Variants in PCDHGA7 observed in about 807,000 individuals in gnomAD.
PCDHGA7 encodes protocadherin gamma-A7.
Under a neutral mutation model 58.3 loss-of-function variants are expected in PCDHGA7, and 44 were observed. The ratio of observed to expected loss-of-function variants is 0.75; its 90% CI spans 0.59 to 0.97. PCDHGA7 has a LOEUF of 0.97. Ranked by LOEUF, PCDHGA7 falls within the 50% of genes least tolerant of loss-of-function variation. The probability of loss-of-function intolerance (pLI) is 0.00; values close to 1 mark genes in which losing one functional copy is unlikely to be tolerated. For synonymous variants in PCDHGA7, 516 were observed against 504.2 expected, an observed-to-expected ratio of 1.02 and a Z score of -0.31; for missense variants, 1,266 against 1,188.7, an observed-to-expected ratio of 1.06 and a Z score of -0.96.
chr5:141,432,652 C>T lies in PCDHGA7; in HGVS notation c.2424+47329C>T, dbSNP rs1004936183. On this transcript the variant is annotated intron_variant, in intron 1 of 3. Transcript: ENST00000518325. This position sits in a 1 kb window ranked among gnomAD's most constrained non-coding sequence, Gnocchi z 6.0. ...CGGGCGAGGTGCGCACGGCGCGAGC[C>T]CTGCTGGACAGAGACGCGCTCAAGC... The T allele has an allele frequency of 6.2e-7, 1 of 1,613,836 alleles. No individual in the cohort carries two copies. Among genetic ancestry groups the T allele is most frequent in the East Asian group, 2.2e-5 (1 of 44,860 alleles).
At chr5:141,395,992 T>G (rs915228194) in intron 1 of PCDHGA7, 3 of 152,184 alleles carry the variant, frequency 2.0e-5, no homozygotes, top group African/African-American at 7.2e-5. Context: ...TAAAATGTAA[T>G]TTTAAACTGT....
intron 1 of PCDHGA7, among the ~76,000 whole-genome samples, chr5:141,488,493 C>T (rs1594759823): frequency 6.6e-6 from 1 of 152,226 alleles, no homozygotes; most frequent in East Asian, 1.9e-4. Context: ...AAAACTGTAA[C>T]ACTCATTCCA....
chr5:141,399,945 G>T, intron 1 of PCDHGA7: 2 of 1,612,308 alleles, frequency 1.2e-6, no homozygotes, highest in Non-Finnish European at 1.7e-6. Context: ...ACGTGCTGCA[G>T]GCTAGCGAGC....
At chr5:141,404,381 T>A (rs762394525) in intron 1 of PCDHGA7, 5 of 1,613,954 alleles carry the variant, frequency 3.1e-6, no homozygotes, top group Middle Eastern at 1.6e-4. Context: ...CGTGATTGCC[T>A]ATGACCCTGA....
intron 1 of PCDHGA7, among the ~76,000 whole-genome samples, chr5:141,474,922 C>G (rs748864870): frequency 3.9e-5 from 6 of 152,238 alleles, no homozygotes; most frequent in Non-Finnish European, 8.8e-5. Flanking sequence ...CATCTCATCT[C>G]TGGCTTATAT....
At chr5:141,415,476 G>A (rs765634887) in intron 1 of PCDHGA7, 1 of 1,614,076 alleles carries the variant, frequency 6.2e-7, no homozygotes. Context: ...CCGCGGACTC[G>A]CGAAAGAGTC....
Position 141,431,478 on chromosome 5 carries a change from C to T in PCDHGA7, c.2424+46155C>T, listed in dbSNP as rs1163422580. On this transcript the variant is annotated intron_variant, in intron 1 of 3. Coordinates refer to ENST00000518325, the MANE Select transcript of PCDHGA7 (RefSeq NM_018920.4). The surrounding 1 kb of genome is among the most constrained non-coding windows in gnomAD (Gnocchi z 4.8). ...GTTCTGGATGCGAACGACAACGCAC[C>T]AGCGTTTGCTCAGCCCGAGTACCGC... The T allele has an allele frequency of 6.2e-7, 1 of 1,613,748 alleles. No individual in the cohort carries two copies. The highest frequency in any genetic ancestry group is 8.5e-7 in the Non-Finnish European group (1 of 1,179,976).
intron 1 of PCDHGA7, chr5:141,426,732 C>T (rs576525011): frequency 2.7e-4 from 123 of 448,642 alleles, no homozygotes; most frequent in African/African-American, 2.2e-3. Context: ...TCCAGGCATT[C>T]GGTTTGGCCT....
chr5:141,405,261 T>TC, intron 1 of PCDHGA7: 1 of 1,613,852 alleles, frequency 6.2e-7, no homozygotes. Context: ...CACCTGATCT[T>TC]CCCCCAGCCC....
At chr5:141,458,984 C>T (rs2098958355) in intron 1 of PCDHGA7, among the ~76,000 whole-genome samples, 1 of 152,204 alleles carries the variant, frequency 6.6e-6, no homozygotes, top group Non-Finnish European at 1.5e-5. Context: ...CCTCCTGCCT[C>T]ACCCTCCCAA....
intron 1 of PCDHGA7, among the ~76,000 whole-genome samples, chr5:141,457,926 GGGCTTTTATT>G (rs1398565105): frequency 6.6e-6 from 1 of 151,120 alleles, no homozygotes; most frequent in Non-Finnish European, 1.5e-5. Context: ...TCTCCCCAAG[GGGCTTTTATT>G]GGCTCTGCAT....
Position 141,384,634 on chromosome 5 carries a change from C to T in PCDHGA7, c.1735C>T (p.Pro579Ser). ...TDGSTGMELA[P>S]RSAEPGYLVT... The stretch of plus-strand genomic sequence containing the variant: ...TGGTTCTACTGGCATGGAGCTGGCA[C>T]CCCGCTCCGCAGAGCCCGGCTACCT... The change falls in exon 1 of 4, where the codon CCC becomes TCC. Residue 579 changes from proline (P) to serine (S), a missense_variant. By Grantham distance (74) the Pro-to-Ser change is moderately conservative. Coordinates refer to ENST00000518325, the MANE Select transcript of PCDHGA7 (RefSeq NM_018920.4). The T allele has an allele frequency of 6.2e-7, 1 of 1,614,208 alleles. No individual in the cohort carries two copies. Among genetic ancestry groups the T allele is most frequent in the Non-Finnish European group, 8.5e-7 (1 of 1,180,034 alleles).
intron 1 of PCDHGA7, chr5:141,418,495 G>T (rs745982190): frequency 6.2e-7 from 1 of 1,613,974 alleles, no homozygotes; most frequent in South Asian, 1.1e-5. Context: ...ACTTGGTACT[G>T]ACCGCCTTAG....
intron 2 of PCDHGA7, among the ~76,000 whole-genome samples, chr5:141,498,260 A>C (rs1044675509): frequency 6.6e-6 from 1 of 152,140 alleles, no homozygotes; most frequent in Non-Finnish European, 1.5e-5. Flanking sequence ...GCTGGTGTTG[A>C]GTTCTTCAGT....
chr5:141,491,648 T>C lies in PCDHGA7; in HGVS notation c.2425-3159T>C. ...GTTCAGCAGCCCACAGCTCTGGCGC[T>C]GGAGCCTGACGCCATCCGGTCCCGC... On this transcript the variant is annotated intron_variant, in intron 1 of 3. Transcript: ENST00000518325. The surrounding 1 kb of genome is among the most constrained non-coding windows in gnomAD (Gnocchi z 6.9). 2 of 1,613,834 alleles carry C rather than the reference T, an allele frequency of 1.2e-6. No individual in the cohort carries two copies. Among genetic ancestry groups the C allele is most frequent in the South Asian group, 1.1e-5 (1 of 91,082 alleles).
chr5:141,413,235 C>A, intron 1 of PCDHGA7: 1 of 1,613,954 alleles, frequency 6.2e-7, no homozygotes, highest in Non-Finnish European at 8.5e-7. Context: ...TGGTCCTGCT[C>A]TGCCTTTTCT....
Position 141,485,096 on chromosome 5 carries a change from C to T in PCDHGA7, c.2425-9711C>T, listed in dbSNP as rs1166994104. On this transcript the variant is annotated intron_variant, in intron 1 of 3. Coordinates refer to ENST00000518325, the MANE Select transcript of PCDHGA7 (RefSeq NM_018920.4). This position sits in a 1 kb window ranked among gnomAD's most constrained non-coding sequence, Gnocchi z 5.7. The stretch of plus-strand genomic sequence containing the variant: ...CGCGGGGAAAGGGAGATAGGTGTCT[C>T]CAGCTGCTGTGGCTGTTTGGGGCGG... The T allele has an allele frequency of 1.8e-6, 2 of 1,125,566 alleles. No homozygotes were observed. The highest frequency in any genetic ancestry group is 3.1e-5 in the African/African-American group (2 of 64,908). 69.7% of individuals were successfully genotyped at this position (1,125,566 alleles called of 1,614,324 possible).
intron 1 of PCDHGA7, chr5:141,414,449 C>T (rs1223779483): frequency 6.2e-7 from 1 of 1,613,730 alleles, no homozygotes; most frequent in Non-Finnish European, 8.5e-7. Context: ...TACAATATCA[C>T]AGTGACAGCC....
chr5:141,464,377 T>A (rs1410334231), intron 1 of PCDHGA7, among the ~76,000 whole-genome samples: 3 of 151,486 alleles, frequency 2.0e-5, no homozygotes, highest in Admixed American at 2.0e-4. Flanking sequence ...TTTTGCAATA[T>A]AAAAAATGCT....
Sources: allele counts gnomAD v4.1 joint callset (sites outside exome capture counted in the v4.1 genomes callset), GRCh38; gene constraint gnomAD v4.1.1; non-coding constraint Gnocchi (gnomAD v3.1); transcripts MANE v1.5; gene names NCBI Gene and HGNC (gene_info 2026-07-23, HGNC 2026-07-21).